RGS7: variants seen among roughly 807,000 people sequenced by gnomAD.
RGS7 encodes the protein regulator of G-protein signaling 7.
RGS7 carries 27 observed loss-of-function variants against 81.1 expected under a neutral mutation model. That is an observed-to-expected ratio of 0.33 (90% CI 0.25 to 0.46). The LOEUF is 0.46. Ranked by LOEUF, RGS7 falls within the 20% of genes least tolerant of loss-of-function variation. The pLI, the probability that RGS7 is intolerant of heterozygous loss-of-function variation, is 1.00. For synonymous variants in RGS7, 208 were observed against 207.7 expected (o/e 1.00, Z -0.01); for missense variants, 396 against 607.4 (o/e 0.65, Z 3.66).
At position 240,869,448 on chromosome 1, in the gene RGS7, A is replaced by G. The variant is rs746580768; in HGVS notation, c.451-596T>C. ...ATGGTCTTTAATCCTCAGAGTTTGG[A>G]TATCTTCACTATGTAGGATGTATCT... On this transcript the variant is annotated intron_variant, in intron 7 of 18. Coordinates refer to ENST00000440928, the MANE Select transcript of RGS7 (RefSeq NM_001364886.1). Among the ~76,000 whole-genome samples the G allele has an allele frequency of 2.6e-5, 4 of 152,324 alleles. No individual in the cohort carries two copies. The South Asian group carries it at 8.3e-4, about 32-fold the overall frequency.
Position 240,800,672 on chromosome 1 carries a change from A to T in RGS7, c.1463T>A (p.Leu488Gln), listed in dbSNP as rs1005830183. Residue 488 changes from leucine to glutamine, a missense_variant, in exon 18 of 19, where the codon CTG (leucine) becomes CAG (glutamine). Coordinates refer to ENST00000440928, the MANE Select transcript of RGS7 (RefSeq NM_001364886.1). ...FPCHKNCTPT[L>Q]RASTNLL ...TCATAACAGGTTAGTGCTGGCCCTC[A>T]GTGTTGGTGTACAGTTTTTATGGCA... 2 of 1,547,784 alleles carry T rather than the reference A, an allele frequency of 1.3e-6. No homozygotes were observed. Among genetic ancestry groups the T allele is most frequent in the Non-Finnish European group, 1.7e-6 (2 of 1,144,934 alleles).
intron 3 of RGS7, among the ~76,000 whole-genome samples, chr1:241,088,979 C>T (rs2492993): frequency 0.23 from 30,908 of 136,396 alleles, 5,015 homozygotes; most frequent in African/African-American, 0.45. Context: ...CGAGTTGAGA[C>T]TGCGCGACTG....
At chr1:241,034,254 T>A (rs2060223285) in intron 3 of RGS7, among the ~76,000 whole-genome samples, 1 of 152,222 alleles carries the variant, frequency 6.6e-6, no homozygotes, top group African/African-American at 2.4e-5. Context: ...TTGGTCTGCA[T>A]ATTTGTGAAA....
chr1:240,932,930 C>CCGGA (rs1675817607), intron 5 of RGS7, among the ~76,000 whole-genome samples: 1 of 119,310 alleles, frequency 8.4e-6, no homozygotes, highest in African/African-American at 3.4e-5. Flanking sequence ...GTCGCCCAGG[C>CCGGA]TGGACTGCAG....
chr1:240,987,143 G>T (rs1050020941), intron 3 of RGS7, among the ~76,000 whole-genome samples: 2 of 152,112 alleles, frequency 1.3e-5, no homozygotes, highest in Admixed American at 6.5e-5. Context: ...AATTAGAGGT[G>T]CACAAAAATA....
intron 2 of RGS7, among the ~76,000 whole-genome samples, chr1:241,237,629 T>TA (rs1279722780): frequency 1.3e-5 from 2 of 152,138 alleles, no homozygotes; most frequent in African/African-American, 4.8e-5. Flanking sequence ...CCATTTAATT[T>TA]AAAAAAATAA....
At chr1:241,042,196 A>G (rs1034015209) in intron 3 of RGS7, among the ~76,000 whole-genome samples, 24 of 152,308 alleles carry the variant, frequency 1.6e-4, no homozygotes, top group African/African-American at 5.8e-4. Context: ...TCTTAACTAC[A>G]ATCTATGCAT....
intron 18 of RGS7, among the ~76,000 whole-genome samples, chr1:240,777,359 T>C (rs1683140989): frequency 6.6e-6 from 1 of 152,240 alleles, no homozygotes; most frequent in Non-Finnish European, 1.5e-5. Context: ...TTATTTTATA[T>C]GTTCTATTAT....
chr1:241,177,949 A>G (rs528744169), intron 2 of RGS7, among the ~76,000 whole-genome samples: 3 of 152,310 alleles, frequency 2.0e-5, no homozygotes, highest in Non-Finnish European at 1.5e-5. Context: ...GCTTACTGGT[A>G]AAAAGACAGA....
chr1:241,320,611 T>C (rs892377913), intron 2 of RGS7, among the ~76,000 whole-genome samples: 5 of 152,236 alleles, frequency 3.3e-5, no homozygotes, highest in African/African-American at 9.6e-5. Flanking sequence ...AATCTATACA[T>C]TTAATTAAAT....
At chr1:241,331,598 T>C (rs76036562) in intron 2 of RGS7, among the ~76,000 whole-genome samples, 2 of 152,344 alleles carry the variant, frequency 1.3e-5, no homozygotes, top group East Asian at 3.9e-4. Context: ...ACTTGAGATT[T>C]AGCAATTGTG....
intron 2 of RGS7, among the ~76,000 whole-genome samples, chr1:241,303,598 C>G (rs1180429839): frequency 6.6e-6 from 1 of 152,072 alleles, no homozygotes; most frequent in Non-Finnish European, 1.5e-5. Context: ...TTTGGTAAAC[C>G]TTTTTTTCAG....
intron 9 of RGS7, among the ~76,000 whole-genome samples, chr1:240,843,767 G>A (rs1658549933): frequency 6.6e-6 from 1 of 152,120 alleles, no homozygotes; most frequent in Non-Finnish European, 1.5e-5. Context: ...TAATTTAATT[G>A]TCTTTCTCAG....
At chr1:241,199,214 C>T (rs2948063) in intron 2 of RGS7, among the ~76,000 whole-genome samples, 35,129 of 151,772 alleles carry the variant, frequency 0.23, 6,156 homozygotes, top group African/African-American at 0.49. Flanking sequence ...CCCAGCACTT[C>T]GGGAGGCCGA....
intron 2 of RGS7, among the ~76,000 whole-genome samples, chr1:241,315,106 TC>T (rs1233146877): frequency 7.7e-4 from 98 of 127,540 alleles, no homozygotes; most frequent in African/African-American, 2.9e-3. Flanking sequence ...TTCTTCTTCT[TC>T]TTTTTTTTTT....
intron 9 of RGS7, among the ~76,000 whole-genome samples, chr1:240,843,694 G>C (rs959594322): frequency 2.0e-5 from 3 of 152,148 alleles, no homozygotes; most frequent in Admixed American, 2.0e-4. Context: ...GAGAAATCTA[G>C]AGTTTTTTGT....
intron 3 of RGS7, among the ~76,000 whole-genome samples, chr1:241,036,683 A>T (rs1286014912): frequency 6.6e-6 from 1 of 152,216 alleles, no homozygotes; most frequent in Non-Finnish European, 1.5e-5. Flanking sequence ...ATAGTTAGGA[A>T]CAAGGATTAG....
intron 9 of RGS7, among the ~76,000 whole-genome samples, chr1:240,832,464 T>A (rs962538186): frequency 2.0e-5 from 3 of 152,226 alleles, no homozygotes; most frequent in Non-Finnish European, 4.4e-5. Context: ...ACGGAGCATA[T>A]CATTGAGAAA....
intron 3 of RGS7, among the ~76,000 whole-genome samples, chr1:241,064,378 G>C (rs1367503166): frequency 1.5e-5 from 2 of 130,404 alleles, no homozygotes; most frequent in Non-Finnish European, 3.2e-5. Flanking sequence ...TTGAGCCCAG[G>C]AATTGGAGAA....
Sources: allele counts gnomAD v4.1 joint callset (sites outside exome capture counted in the v4.1 genomes callset), GRCh38; gene constraint gnomAD v4.1.1; transcripts MANE v1.5; gene names NCBI Gene and HGNC (gene_info 2026-07-23, HGNC 2026-07-21).